Variants in RFX1 observed in about 807,000 individuals in gnomAD.
RFX1 encodes regulatory factor X1.
RFX1 carries 42 observed loss-of-function variants against 119.6 expected under a neutral mutation model. The observed-to-expected ratio is 0.35, with a 90% CI of 0.27 to 0.45. The LOEUF is 0.45. RFX1 is among the 20% of genes least tolerant of loss of function. RFX1 has a pLI of 1.00. For synonymous variants in RFX1, 628 were observed against 618.5 expected, an observed-to-expected ratio of 1.02 and a Z score of -0.23; for missense variants, 1,118 against 1,368.1, an observed-to-expected ratio of 0.82 and a Z score of 2.88.
In RFX1 at chr19:13,966,735, G is replaced by A; in HGVS notation, c.1749C>T (p.Leu583=). The A allele has an allele frequency of 1.2e-6, 2 of 1,606,364 alleles. No individual in the cohort carries two copies. The highest frequency in any genetic ancestry group is 1.3e-5 in the African/African-American group (1 of 74,664). ...YQQFLDASRS[L]PDFTELDLQG... Reference sequence around the variant, plus strand: ...GGAGGTCGAGCTCTGTGAAGTCAGGGAGGCTCCGAGAGGCATCTAGGGGGC... The same window carrying A: ...GGAGGTCGAGCTCTGTGAAGTCAGGAAGGCTCCGAGAGGCATCTAGGGGGC... The change falls in exon 13 of 21, where the codon CTC becomes CTT. Residue 583 remains leucine (L), a synonymous_variant. Transcript: ENST00000254325. The surrounding 1 kb of genome is among the most constrained non-coding windows in gnomAD (Gnocchi z 6.3).
chr19:13,984,901 C>A (rs917907757), intron 2 of RFX1, among the ~76,000 whole-genome samples: 4 of 152,138 alleles, frequency 2.6e-5, no homozygotes, highest in Admixed American at 2.6e-4. Flanking sequence ...GCTCTGTCAC[C>A]CAGGCTGGAG....
Position 13,966,021 on chromosome 19 carries a change from G to A in RFX1, c.1962-244C>T, listed in dbSNP as rs1177629141. Among the ~76,000 whole-genome samples, 1 of 151,982 alleles carries A rather than the reference G, an allele frequency of 6.6e-6. No individual in the cohort carries two copies. The highest frequency in any genetic ancestry group is 2.4e-5 in the African/African-American group (1 of 41,370). ...CTTGTCCCCAACCCAGGGTCACTGG[G>A]GGCACTCTGTGGCCCTGCCCCCAGC... On this transcript the variant is annotated intron_variant, in intron 14 of 20. Coordinates refer to ENST00000254325, the MANE Select transcript of RFX1 (RefSeq NM_002918.5). The surrounding 1 kb of genome is among the most constrained non-coding windows in gnomAD (Gnocchi z 6.3).
At chr19:13,996,649 T>C (rs540726200) in intron 1 of RFX1, among the ~76,000 whole-genome samples, 53 of 151,586 alleles carry the variant, frequency 3.5e-4, no homozygotes, top group African/African-American at 1.2e-3. Context: ...AACCCAGGTC[T>C]CTCTGACCCC....
intron 9 of RFX1, among the ~76,000 whole-genome samples, chr19:13,972,188 A>G (rs896752685): frequency 7.4e-5 from 11 of 149,456 alleles, no homozygotes; most frequent in Middle Eastern, 3.4e-3. Context: ...AAAAAAAAAA[A>G]GTAGACAACA....
rs1205523178 is a variant in RFX1, at chr19:13,979,498, C to T, written c.783G>A (p.Pro261=). The T allele has an allele frequency of 1.2e-6, 2 of 1,602,852 alleles. No individual in the cohort carries two copies. The highest frequency in any genetic ancestry group is 1.1e-5 in the South Asian group (1 of 89,882). ...QATPQAPKPG[P]VQPLTVQGLQ... is the part of the protein sequence containing the mutation. ...GGCCCTGCACGGTCAGCGGCTGCAC[C>T]GGGCCGGGTTTGGGCGCTTGTGGAG... Residue 261 remains proline, a synonymous_variant, in exon 7 of 21, where the codon CCG becomes CCA. Coordinates refer to ENST00000254325, the MANE Select transcript of RFX1 (RefSeq NM_002918.5).
intron 8 of RFX1, among the ~76,000 whole-genome samples, chr19:13,974,256 C>A (rs188439403): frequency 6.6e-6 from 1 of 152,078 alleles, no homozygotes; most frequent in African/African-American, 2.4e-5. Context: ...CTAGAGAAGG[C>A]GACGCTGTGA....
At chr19:13,991,246 G>C (rs1438495420) in intron 2 of RFX1, among the ~76,000 whole-genome samples, 1 of 152,198 alleles carries the variant, frequency 6.6e-6, no homozygotes, top group Admixed American at 6.5e-5. Flanking sequence ...CAGGGTCAGG[G>C]ACCAGGATCA....
At chr19:13,978,931 G>A (rs1209402215) in intron 7 of RFX1, among the ~76,000 whole-genome samples, 1 of 151,916 alleles carries the variant, frequency 6.6e-6, no homozygotes, top group Non-Finnish European at 1.5e-5. Flanking sequence ...CTCGGCGCCC[G>A]GCTCGTAATG....
At chr19:13,987,887 G>A (rs1278868030) in intron 2 of RFX1, among the ~76,000 whole-genome samples, 1 of 152,168 alleles carries the variant, frequency 6.6e-6, no homozygotes, top group Non-Finnish European at 1.5e-5. Flanking sequence ...TGGGTACAGA[G>A]TACCCTCCTG....
At chr19:13,975,585 A>G (rs1365886515) in intron 8 of RFX1, among the ~76,000 whole-genome samples, 1 of 152,128 alleles carries the variant, frequency 6.6e-6, no homozygotes, top group South Asian at 2.1e-4. Flanking sequence ...CCCTATGTCT[A>G]CCACACAAAG....
intron 1 of RFX1, among the ~76,000 whole-genome samples, chr19:13,999,725 G>C (rs193068083): frequency 6.6e-6 from 1 of 151,906 alleles, no homozygotes; most frequent in Admixed American, 6.6e-5. Context: ...GCCCAGGCTG[G>C]AGTGCAATGG....
At chr19:13,983,710 C>CTCTTGGAGGGG in intron 2 of RFX1, 115 bp from the exon 3 acceptor site, 1 of 842,650 alleles carries the variant, frequency 1.2e-6, no homozygotes, top group Non-Finnish European at 1.9e-6. Context: ...AAGGTCAGGC[C>CTCTTGGAGGGG]CCTCCAAGAG....
intron 1 of RFX1, among the ~76,000 whole-genome samples, chr19:14,000,943 TA>T (rs1255780871): frequency 6.6e-6 from 1 of 150,628 alleles, no homozygotes; most frequent in African/African-American, 2.4e-5. Flanking sequence ...AAAAAAATTT[TA>T]AAAATTAGGT....
At chr19:13,973,885 G>A (rs538510241) in intron 8 of RFX1, among the ~76,000 whole-genome samples, 4 of 151,408 alleles carry the variant, frequency 2.6e-5, no homozygotes, top group Non-Finnish European at 5.9e-5. Flanking sequence ...ACCCGCCTCA[G>A]TCTCCCACAG....
At chr19:13,972,536 T>G (rs1183142891) in intron 9 of RFX1, among the ~76,000 whole-genome samples, 3 of 152,198 alleles carry the variant, frequency 2.0e-5, no homozygotes, top group Non-Finnish European at 1.5e-5. Context: ...AAGAATTTCA[T>G]GCATATCAGC....
At chr19:13,983,794 G>T (rs530213587) in intron 2 of RFX1, among the ~76,000 whole-genome samples, 199 bp from the exon 3 acceptor site, 28 of 152,334 alleles carry the variant, frequency 1.8e-4, no homozygotes, top group Admixed American at 3.9e-4. Context: ...AGGCTTGCAG[G>T]ACCCAGGATC....
At chr19:13,983,123 C>CA in intron 4 of RFX1, 64 bp downstream of exon 4, 1 of 1,251,224 alleles carries the variant, frequency 8.0e-7, no homozygotes, top group Non-Finnish European at 1.1e-6. Context: ...AGGCTTGCCA[C>CA]AGGGGGTTGG....
intron 2 of RFX1, 118 bp downstream of exon 2, chr19:13,993,407 C>T (rs757739265): frequency 2.9e-5 from 29 of 996,392 alleles, no homozygotes; most frequent in Non-Finnish European, 3.8e-5. Flanking sequence ...CTAGTGATAC[C>T]CCAAGTCCCA....
In RFX1 at chr19:13,963,585, G is replaced by C; in HGVS notation, c.2523C>G (p.Gly841=). Residue 841 remains glycine, a synonymous_variant, in exon 18 of 21, where the codon GGC becomes GGG. Coordinates refer to ENST00000254325, the MANE Select transcript of RFX1 (RefSeq NM_002918.5). ...QVLKPYQGSA[G]FPKAAKLFLL... ...GGAAGAGCTTGGCGGCCTTGGGGAA[G>C]CCGGCGCTGCCCTGGTAGGGCTTGA... 3 of 1,604,776 alleles carry C rather than the reference G, an allele frequency of 1.9e-6. No individual in the cohort carries two copies. Among genetic ancestry groups the C allele is most frequent in the Non-Finnish European group, 2.5e-6 (3 of 1,179,348 alleles).
Sources: gnomAD v4.1 joint callset for allele counts (sites outside exome capture counted in the v4.1 genomes callset) on GRCh38, gnomAD v4.1.1 for gene constraint, Gnocchi (gnomAD v3.1) non-coding constraint, MANE v1.5 for transcripts, NCBI Gene and HGNC (gene_info 2026-07-23, HGNC 2026-07-21) for gene names.